Variants in ATXN8OS observed in about 807,000 individuals in gnomAD.
ATXN8OS encodes ATXN8 opposite strand (non-protein coding).
At chr13:70,149,006 A>C (rs541261111) in intron 4 of ATXN8OS, among the ~76,000 whole-genome samples, 1 of 152,168 alleles carries the variant, frequency 6.6e-6, no homozygotes, top group African/African-American at 2.4e-5. Context: ...TGAAAAGAAC[A>C]TATTTTTCTT....
intron 3 of ATXN8OS, among the ~76,000 whole-genome samples, chr13:70,132,931 C>T (rs1166438814): frequency 2.6e-5 from 4 of 152,116 alleles, no homozygotes; most frequent in African/African-American, 9.7e-5. Context: ...ACTCTGTCAC[C>T]TAAGTGGATT....
intron 2 of ATXN8OS, among the ~76,000 whole-genome samples, chr13:70,125,786 C>T (rs545481009): frequency 3.6e-4 from 55 of 152,026 alleles, no homozygotes; most frequent in African/African-American, 1.2e-3. Flanking sequence ...TTCACTGATG[C>T]ACAGTCAGCT....
intron 2 of ATXN8OS, among the ~76,000 whole-genome samples, chr13:70,125,057 G>A (rs763896044): frequency 5.3e-5 from 8 of 150,866 alleles, no homozygotes; most frequent in Non-Finnish European, 1.0e-4. Flanking sequence ...CCTCCTCTTC[G>A]AATATCAATT....
chr13:70,114,303 C>A (rs1262064160), intron 1 of ATXN8OS, among the ~76,000 whole-genome samples: 1 of 152,126 alleles, frequency 6.6e-6, no homozygotes, highest in African/African-American at 2.4e-5. Flanking sequence ...CTCTCCCTTT[C>A]TGTATAACTC....
At chr13:70,139,659 A>G (rs2137490989) in intron 3 of ATXN8OS, among the ~76,000 whole-genome samples, 1 of 152,306 alleles carries the variant, frequency 6.6e-6, no homozygotes, top group African/African-American at 2.4e-5. Context: ...AGAAAATTGT[A>G]GCAACCAATA....
chr13:70,123,776 T>G (rs939017338), intron 2 of ATXN8OS, among the ~76,000 whole-genome samples: 1 of 152,114 alleles, frequency 6.6e-6, no homozygotes, highest in Admixed American at 6.6e-5. Context: ...ATAATAAATA[T>G]TTAACTTAGT....
chr13:70,112,899 C>A (rs1053558832), intron 1 of ATXN8OS, among the ~76,000 whole-genome samples: 30 of 134,880 alleles, frequency 2.2e-4, no homozygotes, highest in Non-Finnish European at 4.0e-4. Context: ...AATCACACTG[C>A]TGAGGGACTT....
intron 3 of ATXN8OS, among the ~76,000 whole-genome samples, chr13:70,132,479 G>T (rs1888547695): frequency 6.6e-6 from 1 of 151,752 alleles, no homozygotes; most frequent in South Asian, 2.1e-4. Flanking sequence ...GGAAGGGATG[G>T]ATTAAAAGGG....
intron 3 of ATXN8OS, among the ~76,000 whole-genome samples, chr13:70,130,393 C>A (rs1470412063): frequency 6.6e-6 from 1 of 152,046 alleles, no homozygotes; most frequent in Non-Finnish European, 1.5e-5. Flanking sequence ...AATGAGCACA[C>A]GCTTACTAAT....
At chr13:70,135,726 T>G (rs1888605368) in intron 3 of ATXN8OS, among the ~76,000 whole-genome samples, 1 of 152,182 alleles carries the variant, frequency 6.6e-6, no homozygotes, top group Non-Finnish European at 1.5e-5. Context: ...ATTATCTTGG[T>G]GACACTCATG....
At chr13:70,170,971 A>G (rs1383647066) in exon 5 of ATXN8OS, among the ~76,000 whole-genome samples, 1 of 152,134 alleles carries the variant, frequency 6.6e-6, no homozygotes, top group Non-Finnish European at 1.5e-5. Flanking sequence ...TAGAGGAAGT[A>G]CAGTAAAAAT....
intron 1 of ATXN8OS, chr13:70,115,095 T>G (rs1888255172): frequency 5.0e-6 from 2 of 397,230 alleles, no homozygotes; most frequent in Admixed American, 4.4e-5. Context: ...AACAGAACAC[T>G]ACATACTGGG....
intron 3 of ATXN8OS, chr13:70,139,484 AT>A: frequency 1.6e-6 from 1 of 634,302 alleles, no homozygotes; most frequent in Non-Finnish European, 2.8e-6. Flanking sequence ...ATTGTTATAT[AT>A]TTTTCCACAC....
chr13:70,121,149 ATAAG>A (rs374206229), intron 2 of ATXN8OS, among the ~76,000 whole-genome samples: 84 of 152,252 alleles, frequency 5.5e-4, no homozygotes, highest in African/African-American at 1.9e-3. Flanking sequence ...AAAAAATAGA[ATAAG>A]AGATAGAAAA....
intron 3 of ATXN8OS, among the ~76,000 whole-genome samples, chr13:70,144,983 G>A (rs1157648868): frequency 6.6e-6 from 1 of 151,986 alleles, no homozygotes; most frequent in African/African-American, 2.4e-5. Context: ...AAGTGTTGTA[G>A]GTCTAACATG....
chr13:70,156,815 G>T (rs584093), intron 4 of ATXN8OS, among the ~76,000 whole-genome samples: 35,375 of 151,810 alleles, frequency 0.23, 4,384 homozygotes, highest in African/African-American at 0.31. Flanking sequence ...TTTTTAATTT[G>T]ATTTACCAAT....
intron 4 of ATXN8OS, among the ~76,000 whole-genome samples, chr13:70,153,559 T>A (rs1201504565): frequency 2.0e-5 from 3 of 152,082 alleles, no homozygotes; most frequent in Admixed American, 6.5e-5. Flanking sequence ...CGGGCAACAG[T>A]GAGAGACTGC....
chr13:70,161,387 C>T (rs1362208078), intron 4 of ATXN8OS, among the ~76,000 whole-genome samples: 1 of 152,038 alleles, frequency 6.6e-6, no homozygotes, highest in Non-Finnish European at 1.5e-5. Context: ...GAAAGGGAAG[C>T]ATCTATTTTT....
chr13:70,112,654 A>G (rs1025822), intron 1 of ATXN8OS, among the ~76,000 whole-genome samples: 34,080 of 151,720 alleles, frequency 0.22, 4,017 homozygotes, highest in Admixed American at 0.29. Flanking sequence ...GGTTTATTTG[A>G]CCTTTTGATT....
Sources: gnomAD v4.1 joint callset for allele counts (sites outside exome capture counted in the v4.1 genomes callset) on GRCh38, gnomAD v4.1.1 for gene constraint, MANE v1.5 for transcripts, NCBI Gene and HGNC (gene_info 2026-07-23, HGNC 2026-07-21) for gene names.